NPEPPS: variants seen among roughly 807,000 people sequenced by gnomAD.
NPEPPS encodes aminopeptidase puromycin sensitive.
NPEPPS carries 14 observed loss-of-function variants against 115.5 expected under a neutral mutation model. That is an observed-to-expected ratio of 0.12 (90% CI 0.08 to 0.19). NPEPPS has a LOEUF of 0.19. Among genes scored for constraint, NPEPPS ranks in the 10% least tolerant of loss-of-function variants. NPEPPS has a pLI of 1.00. For missense variants in NPEPPS, 523 were observed against 1,110.8 expected (o/e 0.47, Z 7.52); for synonymous variants, 285 against 390.6 (o/e 0.73, Z 3.19).
intron 15 of NPEPPS, among the ~76,000 whole-genome samples, chr17:47,602,173 G>T (rs891300353): frequency 6.6e-6 from 1 of 152,004 alleles, no homozygotes; most frequent in Non-Finnish European, 1.5e-5. Context: ...TCCTTAGTTG[G>T]TATTTCAAAA....
chr17:47,525,912 AT>A (rs1907412567), intron 1 of NPEPPS, among the ~76,000 whole-genome samples: 1 of 152,156 alleles, frequency 6.6e-6, no homozygotes, highest in South Asian at 2.1e-4. Context: ...TATAAAATAA[AT>A]TTAAACACAA....
intron 2 of NPEPPS, chr17:47,548,094 T>C (rs1301431126): frequency 1.3e-5 from 2 of 152,142 alleles, no homozygotes; most frequent in Non-Finnish European, 2.9e-5. Context: ...ATTTTATATT[T>C]TGATTTCCTC....
At chr17:47,528,798 G>A (rs1233303411), upstream of NPEPPS, among the ~76,000 whole-genome samples, 1 of 151,720 alleles carries the variant, frequency 6.6e-6, no homozygotes, top group African/African-American at 2.4e-5. Flanking sequence ...ACCATGCCTG[G>A]CTAATTTTTG....
intron 2 of NPEPPS, among the ~76,000 whole-genome samples, chr17:47,549,919 G>A (rs545118350): frequency 6.7e-6 from 1 of 150,160 alleles, no homozygotes; most frequent in East Asian, 2.0e-4. Flanking sequence ...GCATGAAATT[G>A]TTGCTTCTTT....
In NPEPPS at chr17:47,622,880, C is replaced by CT; in HGVS notation, c.*960_*961insT. On this transcript the variant is annotated 3_prime_UTR_variant, in exon 23 of 23. Coordinates refer to ENST00000322157, the MANE Select transcript of NPEPPS (RefSeq NM_006310.4). ...TTGAACCTCTTCACAACAGTATCAA[C>CT]ACTGGCTTCTCCCGGTTCATTTTAT... 1 of 456,036 alleles carries CT rather than the reference C, an allele frequency of 2.2e-6. No homozygotes were observed. Among genetic ancestry groups the CT allele is most frequent in the Non-Finnish European group, 4.4e-6 (1 of 226,790 alleles). The allele number at this position is 456,036 out of a possible 1,614,324, so 28.2% of individuals were successfully genotyped here. A position where few individuals can be genotyped will look rare whatever the true frequency, so the allele number is the denominator to read the frequency against.
In NPEPPS at chr17:47,608,453, C is replaced by CAAA. The variant is rs36062497; in HGVS notation, c.2095+2920_2095+2922dup. ...TGGGCAACAGAGCGGGACTCCGTCTCAAAAAAAAAAAAAAAAAAAAAGTGA... is the reference window on the plus strand; with the variant it reads ...TGGGCAACAGAGCGGGACTCCGTCTCAAAAAAAAAAAAAAAAAAAAAAAAGTGA... On this transcript the variant is annotated intron_variant, in intron 17 of 22. Coordinates refer to ENST00000322157, the MANE Select transcript of NPEPPS (RefSeq NM_006310.4). Among the ~76,000 whole-genome samples, 40 of 78,990 alleles carry CAAA rather than the reference C, an allele frequency of 5.1e-4. 1 individual carries two copies. Among genetic ancestry groups the CAAA allele is most frequent in the East Asian group, 1.1e-3 (3 of 2,666 alleles). 51.8% of individuals were successfully genotyped at this position (78,990 alleles called of 152,430 possible).
chr17:47,569,091 A>G (rs1311854065), intron 2 of NPEPPS, among the ~76,000 whole-genome samples: 1 of 152,160 alleles, frequency 6.6e-6, no homozygotes, highest in Non-Finnish European at 1.5e-5. Context: ...TCAAATGTTC[A>G]TGAGTAAGAC....
chr17:47,599,866 C>T (rs747788538), intron 14 of NPEPPS, 127 bp downstream of exon 14: 76 of 751,894 alleles, frequency 1.0e-4, no homozygotes, highest in Non-Finnish European at 1.5e-4. Context: ...CGCCCAGGCT[C>T]GAGTGCCATA....
chr17:47,607,721 CTG>C (rs1913598790), intron 17 of NPEPPS, among the ~76,000 whole-genome samples: 1 of 152,118 alleles, frequency 6.6e-6, no homozygotes, highest in African/African-American at 2.4e-5. Context: ...GAAGGTGCAA[CTG>C]AAACTATTTG....
In NPEPPS at chr17:47,622,155, TA is replaced by T; in HGVS notation, c.*237del. ...AAAAATAAAAATGTAAATATGATAG[TA>T]ATAAAATAGAGCATAACGAAACTGT... On this transcript the variant is annotated 3_prime_UTR_variant, in exon 23 of 23. Transcript: ENST00000322157. 1 of 1,135,060 alleles carries T rather than the reference TA, an allele frequency of 8.8e-7. No individual in the cohort carries two copies. The highest frequency in any genetic ancestry group is 3.6e-5 in the East Asian group (1 of 28,002). 70.3% of individuals were successfully genotyped at this position (1,135,060 alleles called of 1,614,324 possible).
At chr17:47,544,245 C>G (rs1909018678) in intron 1 of NPEPPS, among the ~76,000 whole-genome samples, 1 of 151,786 alleles carries the variant, frequency 6.6e-6, no homozygotes, top group Admixed American at 6.6e-5. Context: ...TCTATGTCAG[C>G]CAGGCTGGTC....
At chr17:47,572,986 G>T (rs1911291062) in intron 3 of NPEPPS, among the ~76,000 whole-genome samples, 1 of 152,148 alleles carries the variant, frequency 6.6e-6, no homozygotes, top group Admixed American at 6.6e-5. Context: ...ATGTTGGCCA[G>T]GCTGGTCTCG....
chr17:47,532,799 T>C (rs1437554118), intron 1 of NPEPPS, among the ~76,000 whole-genome samples: 1 of 152,168 alleles, frequency 6.6e-6, no homozygotes, highest in Non-Finnish European at 1.5e-5. Flanking sequence ...ATCTGAAGTA[T>C]TGTTTGATTT....
chr17:47,583,923 T>A (rs1352557611), intron 5 of NPEPPS, among the ~76,000 whole-genome samples: 1 of 140,038 alleles, frequency 7.1e-6, no homozygotes, highest in Non-Finnish European at 1.5e-5. Context: ...CCCCATCTCT[T>A]AAAAAAAAAA....
At chr17:47,555,782 G>A (rs1459921969) in intron 2 of NPEPPS, among the ~76,000 whole-genome samples, 8 of 151,580 alleles carry the variant, frequency 5.3e-5, no homozygotes, top group Non-Finnish European at 1.2e-4. Context: ...ACAACTGGAG[G>A]GTATCAGAGA....
At chr17:47,565,505 CAAAAAA>C (rs1172238090) in intron 2 of NPEPPS, among the ~76,000 whole-genome samples, 4 of 64,524 alleles carry the variant, frequency 6.2e-5, no homozygotes, top group Non-Finnish European at 1.1e-4. Flanking sequence ...GACTCCATCT[CAAAAAA>C]AAAAAAAAAA....
At chr17:47,573,953 A>T (rs1318048194) in intron 3 of NPEPPS, among the ~76,000 whole-genome samples, 1 of 152,180 alleles carries the variant, frequency 6.6e-6, no homozygotes, top group East Asian at 1.9e-4. Context: ...CTGTGAAAAA[A>T]TTAGAAGTCA....
At chr17:47,560,386 A>G (rs564807492) in intron 2 of NPEPPS, among the ~76,000 whole-genome samples, 3 of 152,322 alleles carry the variant, frequency 2.0e-5, no homozygotes, top group East Asian at 3.9e-4. Flanking sequence ...GTTGAGCCAG[A>G]TTTATATTTG....
intron 2 of NPEPPS, among the ~76,000 whole-genome samples, chr17:47,558,506 T>C (rs554598307): frequency 2.0e-3 from 311 of 152,264 alleles, no homozygotes; most frequent in African/African-American, 7.0e-3. Context: ...CTCGGCTCAC[T>C]GCAATCTTTG....
Sources: gnomAD v4.1 joint callset for allele counts (sites outside exome capture counted in the v4.1 genomes callset) on GRCh38, gnomAD v4.1.1 for gene constraint, MANE v1.5 for transcripts, NCBI Gene and HGNC (gene_info 2026-07-23, HGNC 2026-07-21) for gene names.